Variants in FUT9 observed in about 807,000 individuals in gnomAD.
The protein encoded by FUT9 is fucosyltransferase 9, also known as 4-galactosyl-N-acetylglucosaminide 3-alpha-L-fucosyltransferase 9.
Under a neutral mutation model 29.7 loss-of-function variants are expected in FUT9, and 15 were observed. That is an observed-to-expected ratio of 0.51 (90% CI 0.34 to 0.78). The LOEUF is 0.78. FUT9 is among the 30% of genes least tolerant of loss of function. The pLI, the probability that FUT9 is intolerant of heterozygous loss-of-function variation, is 0.01. For synonymous variants in FUT9, 169 were observed against 153.7 expected, an observed-to-expected ratio of 1.10 and a Z score of -0.74; for missense variants, 319 against 425.4, an observed-to-expected ratio of 0.75 and a Z score of 2.20.
At chr6:96,096,835 T>C (rs749247337) in intron 1 of FUT9, among the ~76,000 whole-genome samples, 2 of 152,090 alleles carry the variant, frequency 1.3e-5, no homozygotes, top group Non-Finnish European at 2.9e-5. Context: ...CTCAAAATGA[T>C]CTAGCACAAT....
chr6:96,153,067 A>T (rs1772707646), intron 2 of FUT9, among the ~76,000 whole-genome samples: 1 of 152,316 alleles, frequency 6.6e-6, no homozygotes, highest in East Asian at 1.9e-4. Context: ...CATCAGTAAA[A>T]GTAATGAAGT....
At chr6:96,146,451 C>T (rs751528845) in intron 2 of FUT9, among the ~76,000 whole-genome samples, 5 of 151,994 alleles carry the variant, frequency 3.3e-5, no homozygotes, top group Non-Finnish European at 4.4e-5. Flanking sequence ...AATGTTCAAA[C>T]GACAAAGGAA....
At position 96,197,386 on chromosome 6, in the gene FUT9, A is replaced by G. The variant is rs569981534; in HGVS notation, c.-8-5762A>G. On this transcript the variant is annotated intron_variant, in intron 2 of 2. Coordinates refer to ENST00000302103, the MANE Select transcript of FUT9 (RefSeq NM_006581.4). ...GATTATATCTAAGGATCTTTGAGAA[A>G]GGTTCACAAACACAAATTTTATAGC... Among the ~76,000 whole-genome samples the G allele has an allele frequency of 7.9e-5, 12 of 152,234 alleles. No individual in the cohort carries two copies. The South Asian group carries it at 2.3e-3, about 29-fold the overall frequency.
intron 1 of FUT9, among the ~76,000 whole-genome samples, chr6:96,040,731 T>C (rs1384227830): frequency 6.6e-6 from 1 of 152,052 alleles, no homozygotes; most frequent in Non-Finnish European, 1.5e-5. Flanking sequence ...TATTAGAGCT[T>C]GAATGATGGA....
At chr6:96,194,049 G>GT (rs1278277468) in intron 2 of FUT9, among the ~76,000 whole-genome samples, 1 of 152,148 alleles carries the variant, frequency 6.6e-6, no homozygotes, top group Non-Finnish European at 1.5e-5. Context: ...ACCAGGGCCT[G>GT]TAGTAGTGTC....
chr6:96,117,209 G>A (rs1363926214), intron 2 of FUT9, among the ~76,000 whole-genome samples: 1 of 152,138 alleles, frequency 6.6e-6, no homozygotes, highest in Non-Finnish European at 1.5e-5. Context: ...TAGCAATTAT[G>A]AAAGTACTTT....
At chr6:96,166,435 G>T (rs940329545) in intron 2 of FUT9, among the ~76,000 whole-genome samples, 1 of 152,012 alleles carries the variant, frequency 6.6e-6, no homozygotes. Flanking sequence ...CCAATATGCT[G>T]CTCTGAGTTC....
At chr6:96,107,319 T>C (rs1271637012) in intron 1 of FUT9, among the ~76,000 whole-genome samples, 1 of 152,224 alleles carries the variant, frequency 6.6e-6, no homozygotes, top group African/African-American at 2.4e-5. Context: ...ATAATAGGGA[T>C]TCCATAAATG....
At chr6:96,145,412 C>G (rs1772548006) in intron 2 of FUT9, among the ~76,000 whole-genome samples, 1 of 152,076 alleles carries the variant, frequency 6.6e-6, no homozygotes, top group Admixed American at 6.6e-5. Flanking sequence ...TACTATGTAG[C>G]AGCCAGTGTT....
chr6:96,057,299 TAAAA>T (rs532704041), intron 1 of FUT9, among the ~76,000 whole-genome samples: 129 of 152,328 alleles, frequency 8.5e-4, no homozygotes, highest in African/African-American at 2.0e-3. Context: ...AGAAGAGTGG[TAAAA>T]TATTGCAGTT....
intron 2 of FUT9, among the ~76,000 whole-genome samples, chr6:96,114,797 T>C (rs987551096): frequency 6.6e-6 from 1 of 152,138 alleles, no homozygotes; most frequent in Non-Finnish European, 1.5e-5. Flanking sequence ...AAGCAATAAG[T>C]GTTACTCATG....
chr6:96,199,739 G>A (rs931403852), intron 2 of FUT9, among the ~76,000 whole-genome samples: 4 of 152,068 alleles, frequency 2.6e-5, no homozygotes, highest in Non-Finnish European at 4.4e-5. Flanking sequence ...AACAAAGTAC[G>A]TATTCATTCA....
intron 2 of FUT9, among the ~76,000 whole-genome samples, chr6:96,175,266 G>A (rs1254906606): frequency 6.6e-6 from 1 of 152,034 alleles, no homozygotes; most frequent in East Asian, 1.9e-4. Flanking sequence ...CAAGTCCATG[G>A]CCCCGTCACC....
At chr6:96,196,275 A>T (rs1474403422) in intron 2 of FUT9, among the ~76,000 whole-genome samples, 2 of 152,206 alleles carry the variant, frequency 1.3e-5, no homozygotes, top group Admixed American at 6.5e-5. Context: ...AACTTATTTG[A>T]TCATAGCTTT....
intron 1 of FUT9, among the ~76,000 whole-genome samples, chr6:96,112,774 T>A (rs1562129298): frequency 6.6e-6 from 1 of 151,284 alleles, no homozygotes; most frequent in Non-Finnish European, 1.5e-5. Context: ...CAAAAATGCA[T>A]TTTTTTGACG....
At chr6:96,020,767 A>T (rs1233655814) in intron 1 of FUT9, 1 of 152,138 alleles carries the variant, frequency 6.6e-6, no homozygotes, top group Non-Finnish European at 1.5e-5. Context: ...GGAACCAGTG[A>T]TCTTGCACTG....
intron 1 of FUT9, among the ~76,000 whole-genome samples, chr6:96,092,029 G>A (rs1402971125): frequency 6.6e-6 from 1 of 152,018 alleles, no homozygotes; most frequent in Admixed American, 6.6e-5. Context: ...ATAAAATATT[G>A]TCAAATTACA....
intron 1 of FUT9, among the ~76,000 whole-genome samples, chr6:96,078,408 CTTTTTTTTTTTTT>C (rs71012536): frequency 0.019 from 859 of 44,216 alleles, 24 homozygotes; most frequent in Non-Finnish European, 0.025. Context: ...TATTAGTCTT[CTTTTTTTTTTTTT>C]TTTTTTTTTT....
intron 2 of FUT9, among the ~76,000 whole-genome samples, chr6:96,136,871 T>C (rs1562138511): frequency 6.6e-6 from 1 of 152,052 alleles, no homozygotes; most frequent in Non-Finnish European, 1.5e-5. Context: ...AAATTTGATA[T>C]AACTTTTAGT....
Sources: gnomAD v4.1 joint callset for allele counts (sites outside exome capture counted in the v4.1 genomes callset) on GRCh38, gnomAD v4.1.1 for gene constraint, MANE v1.5 for transcripts, NCBI Gene and HGNC (gene_info 2026-07-23, HGNC 2026-07-21) for gene names.